The following MTHFD1L variants were observed in gnomAD, a reference collection of about 807,000 sequenced individuals.
The protein encoded by MTHFD1L is methylenetetrahydrofolate dehydrogenase (NADP+ dependent) 1 like.
MTHFD1L carries 81 observed loss-of-function variants against 119.5 expected under a neutral mutation model. The ratio of observed to expected loss-of-function variants is 0.68; its 90% CI spans 0.57 to 0.82. The LOEUF is 0.82. Among genes scored for constraint, MTHFD1L ranks in the 40% least tolerant of loss-of-function variants. MTHFD1L has a pLI of 0.00. For missense variants in MTHFD1L, 1,125 were observed against 1,253.4 expected (o/e 0.90, Z 1.55); for synonymous variants, 430 against 475.2 (o/e 0.90, Z 1.24).
At chr6:150,953,211 C>T (rs1795101878) in intron 16 of MTHFD1L, among the ~76,000 whole-genome samples, 4 of 152,226 alleles carry the variant, frequency 2.6e-5, no homozygotes, top group South Asian at 2.1e-4. Flanking sequence ...GATTGAACAC[C>T]TTGTACTGCC....
At chr6:150,911,318 CT>C in intron 8 of MTHFD1L, among the ~76,000 whole-genome samples, 1 of 152,144 alleles carries the variant, frequency 6.6e-6, no homozygotes, top group East Asian at 1.9e-4. Flanking sequence ...ACATTGCATT[CT>C]TTTAAAAACT....
At chr6:150,877,998 T>C (rs1780743084) in intron 4 of MTHFD1L, among the ~76,000 whole-genome samples, 172 bp downstream of exon 4, 1 of 152,234 alleles carries the variant, frequency 6.6e-6, no homozygotes, top group African/African-American at 2.4e-5. Flanking sequence ...GATATCCTTG[T>C]TTCTTGTCAT....
chr6:150,937,653 G>A (rs1167454962), intron 12 of MTHFD1L, among the ~76,000 whole-genome samples: 1 of 152,168 alleles, frequency 6.6e-6, no homozygotes, highest in Non-Finnish European at 1.5e-5. Context: ...CACTAGGGTT[G>A]GAGCGAGAAA....
chr6:151,004,911 A>G (rs1055202640), intron 20 of MTHFD1L, among the ~76,000 whole-genome samples: 8 of 152,264 alleles, frequency 5.3e-5, no homozygotes, highest in Admixed American at 3.9e-4. Context: ...GCCTTATTAA[A>G]TATGCAGCTT....
At chr6:151,052,932 G>A (rs1030747485) in intron 26 of MTHFD1L, among the ~76,000 whole-genome samples, 8 of 152,156 alleles carry the variant, frequency 5.3e-5, no homozygotes, top group Non-Finnish European at 1.0e-4. Flanking sequence ...TGAATAAAGG[G>A]ACAAATGAAG....
At chr6:150,972,956 G>A (rs1798178768) in intron 20 of MTHFD1L, among the ~76,000 whole-genome samples, 1 of 152,178 alleles carries the variant, frequency 6.6e-6, no homozygotes, top group Non-Finnish European at 1.5e-5. Flanking sequence ...AGTTTACTAA[G>A]TCAGTGCCAG....
chr6:151,099,107 C>T (rs1003226379), intron 27 of MTHFD1L, among the ~76,000 whole-genome samples: 2 of 148,632 alleles, frequency 1.3e-5, no homozygotes, highest in African/African-American at 5.0e-5. Flanking sequence ...ACCCAGGAGG[C>T]GAAGGTTGCA....
At chr6:151,037,732 T>C (rs1238000084) in intron 26 of MTHFD1L, among the ~76,000 whole-genome samples, 1 of 152,218 alleles carries the variant, frequency 6.6e-6, no homozygotes, top group Non-Finnish European at 1.5e-5. Flanking sequence ...ATCAAAGTGC[T>C]TAAAATCCAT....
chr6:151,084,464 A>G (rs1342429056), intron 26 of MTHFD1L, among the ~76,000 whole-genome samples: 1 of 152,190 alleles, frequency 6.6e-6, no homozygotes, highest in African/African-American at 2.4e-5. Context: ...TTCTAAGTAC[A>G]GGCAGGGTCT....
At chr6:151,075,702 T>C (rs762279970) in intron 26 of MTHFD1L, among the ~76,000 whole-genome samples, 1 of 152,194 alleles carries the variant, frequency 6.6e-6, no homozygotes, top group Non-Finnish European at 1.5e-5. Context: ...AAATAGACCA[T>C]ATTCTGAGTC....
At chr6:151,003,904 AAGTT>A (rs1780993003) in intron 20 of MTHFD1L, among the ~76,000 whole-genome samples, 1 of 151,998 alleles carries the variant, frequency 6.6e-6, no homozygotes, top group African/African-American at 2.4e-5. Flanking sequence ...GCACAGGAGA[AAGTT>A]AGAGTACATT....
At chr6:150,886,318 C>T (rs78944278) in intron 6 of MTHFD1L, among the ~76,000 whole-genome samples, 6,354 of 152,012 alleles carry the variant, frequency 0.042, 170 homozygotes, top group Non-Finnish European at 0.064. Context: ...CACGTGTAGT[C>T]CCAGCTATGC....
chr6:150,868,664 G>A (rs917323639), intron 1 of MTHFD1L, among the ~76,000 whole-genome samples: 5 of 152,092 alleles, frequency 3.3e-5, no homozygotes, highest in African/African-American at 1.2e-4. Context: ...TAAGCCAGGG[G>A]TCCACAGACG....
chr6:150,986,759 C>CA (rs2128433778), intron 20 of MTHFD1L, among the ~76,000 whole-genome samples: 1 of 152,260 alleles, frequency 6.6e-6, no homozygotes, highest in South Asian at 2.1e-4. Flanking sequence ...GGCTGAAGTG[C>CA]AGTGGCACAA....
At chr6:150,964,572 G>T (rs1226845238) in intron 18 of MTHFD1L, among the ~76,000 whole-genome samples, 1 of 152,216 alleles carries the variant, frequency 6.6e-6, no homozygotes, top group African/African-American at 2.4e-5. Flanking sequence ...TCTGTACAGA[G>T]CCTTGTTTCT....
At chr6:151,093,403 C>T (rs1204924977) in intron 27 of MTHFD1L, among the ~76,000 whole-genome samples, 1 of 49,938 alleles carries the variant, frequency 2.0e-5, no homozygotes, top group Non-Finnish European at 3.9e-5. Flanking sequence ...AGATCACTCT[C>T]AGCCAAGCAC....
At chr6:150,998,916 G>T (rs1474868208) in intron 20 of MTHFD1L, among the ~76,000 whole-genome samples, 2 of 151,168 alleles carry the variant, frequency 1.3e-5, no homozygotes, top group African/African-American at 4.9e-5. Context: ...CTTGAACTGG[G>T]TGGCAGAGGT....
At chr6:151,026,594 A>G (rs1284161529) in intron 24 of MTHFD1L, among the ~76,000 whole-genome samples, 1 of 152,144 alleles carries the variant, frequency 6.6e-6, no homozygotes, top group Non-Finnish European at 1.5e-5. Flanking sequence ...GAAGGGTTAC[A>G]TTTTTGGTGA....
chr6:150,965,146 T>C (rs1301472382), intron 19 of MTHFD1L, 109 bp downstream of exon 19: 1 of 912,568 alleles, frequency 1.1e-6, no homozygotes, highest in East Asian at 2.6e-5. Context: ...GGGGCAGCAG[T>C]GTGCTTTGCA....
Sources: allele counts gnomAD v4.1 joint callset (sites outside exome capture counted in the v4.1 genomes callset), GRCh38; gene constraint gnomAD v4.1.1; transcripts MANE v1.5; gene names NCBI Gene and HGNC (gene_info 2026-07-23, HGNC 2026-07-21).